ULK4: variants seen among roughly 807,000 people sequenced by gnomAD.
The protein encoded by ULK4 is unc-51 like kinase 4.
Under a neutral mutation model 160.6 loss-of-function variants are expected in ULK4, and 133 were observed. The observed-to-expected ratio is 0.83, with a 90% CI of 0.72 to 0.96. The LOEUF is 0.96. Among genes scored for constraint, ULK4 ranks in the 40% least tolerant of loss-of-function variants. The pLI is 0.00. For synonymous variants in ULK4, 534 were observed against 539.8 expected (o/e 0.99, Z 0.15); for missense variants, 1,580 against 1,499.5 (o/e 1.05, Z -0.89).
At chr3:41,468,372 A>C (rs1363575289) in intron 32 of ULK4, among the ~76,000 whole-genome samples, 1 of 152,210 alleles carries the variant, frequency 6.6e-6, no homozygotes, top group Non-Finnish European at 1.5e-5. Flanking sequence ...TTACAGAGGA[A>C]ATGGAGGCAA....
chr3:41,398,059 C>G lies in ULK4; in HGVS notation c.3678+20G>C. On this transcript the variant is annotated intron_variant, in intron 35 of 36. Transcript: ENST00000301831. ...CCAGCAAAGCCACCCACAGTGTCCC[C>G]GGTTTCTGTGTGAACTCACCATTCT... The G allele has an allele frequency of 6.2e-7, 1 of 1,602,814 alleles. No individual in the cohort carries two copies. Among genetic ancestry groups the G allele is most frequent in the East Asian group, 2.2e-5 (1 of 44,566 alleles).
At chr3:41,770,316 T>A (rs1575676085) in intron 21 of ULK4, among the ~76,000 whole-genome samples, 1 of 152,138 alleles carries the variant, frequency 6.6e-6, no homozygotes, top group African/African-American at 2.4e-5. Context: ...TGTTACAGGT[T>A]TGTGTCAAAA....
intron 34 of ULK4, among the ~76,000 whole-genome samples, chr3:41,412,553 A>AT (rs57224854): frequency 0.015 from 1,555 of 100,376 alleles, 31 homozygotes; most frequent in Non-Finnish European, 0.019. Context: ...ATGCAGTTGA[A>AT]TTTTTTTTTT....
At chr3:41,775,787 C>T (rs572428342) in intron 21 of ULK4, among the ~76,000 whole-genome samples, 1 of 150,940 alleles carries the variant, frequency 6.6e-6, no homozygotes, top group Admixed American at 6.6e-5. Context: ...TATCCTTCTG[C>T]AGCTTGCCTT....
At chr3:41,842,026 G>A (rs1383834210) in intron 17 of ULK4, among the ~76,000 whole-genome samples, 1 of 151,806 alleles carries the variant, frequency 6.6e-6, no homozygotes, top group Non-Finnish European at 1.5e-5. Context: ...CCTCTGCCTA[G>A]GAAAACCAGA....
intron 27 of ULK4, among the ~76,000 whole-genome samples, chr3:41,696,715 T>TA (rs2036516193): frequency 6.7e-6 from 1 of 150,096 alleles, no homozygotes; most frequent in Non-Finnish European, 1.5e-5. Flanking sequence ...GTTATTTACA[T>TA]AGCAAAAGGG....
In ULK4 at chr3:41,939,247, G is replaced by A. The variant is rs1699877931; in HGVS notation, c.139-1050C>T. 1.3e-5 allele frequency among the ~76,000 whole-genome samples: 2 copies of A among 150,576 alleles called. 1 individual carries two copies. Among genetic ancestry groups the A allele is most frequent in the African/African-American group, 4.9e-5 (2 of 40,904 alleles). ...GCAATCTCGGCTCACTGCACCCTCTGCCTCCCAGGTTCAAGCAATTCCCTG... is the reference window on the plus strand; with the variant it reads ...GCAATCTCGGCTCACTGCACCCTCTACCTCCCAGGTTCAAGCAATTCCCTG... On this transcript the variant is annotated intron_variant, in intron 2 of 36. Transcript: ENST00000301831.
intron 31 of ULK4, among the ~76,000 whole-genome samples, chr3:41,599,339 C>T (rs1211807177): frequency 1.3e-5 from 2 of 152,092 alleles, no homozygotes; most frequent in African/African-American, 4.8e-5. Flanking sequence ...TAAGATGAGG[C>T]TAATCTAATG....
At chr3:41,591,963 C>T (rs2031341832) in intron 31 of ULK4, among the ~76,000 whole-genome samples, 1 of 152,206 alleles carries the variant, frequency 6.6e-6, no homozygotes, top group African/African-American at 2.4e-5. Flanking sequence ...GCAGGATAGA[C>T]TGCAGCTCCC....
rs530116273 is a variant in ULK4 at position 41,617,481 on chromosome 3, G to A, written c.3072-1764C>T. On this transcript the variant is annotated intron_variant, in intron 30 of 36. Coordinates refer to ENST00000301831, the MANE Select transcript of ULK4 (RefSeq NM_017886.4). ...CACTGGTGATACTCAGGCAAACAGG[G>A]TCTGGAATGGACCTCCAGCAAACTG... Among the ~76,000 whole-genome samples the A allele has an allele frequency of 7.2e-5, 11 of 151,802 alleles. No individual in the cohort carries two copies. In the South Asian group the frequency reaches 1.3e-3, roughly 17 times the overall value.
At chr3:41,472,578 A>G (rs1168660954) in intron 32 of ULK4, among the ~76,000 whole-genome samples, 1 of 151,986 alleles carries the variant, frequency 6.6e-6, no homozygotes, top group Non-Finnish European at 1.5e-5. Flanking sequence ...AAAAAGAAAA[A>G]AAAAAAAAAG....
In ULK4 at chr3:41,378,863, T is replaced by C. The variant is rs560919887; in HGVS notation, c.3678+19216A>G. The stretch of plus-strand genomic sequence containing the variant: ...AATGTGGCACATTTACACCATGGAA[T>C]ACTATGCAGCCATAAAAAAGAATGA... On this transcript the variant is annotated intron_variant, in intron 35 of 36. Coordinates refer to ENST00000301831, the MANE Select transcript of ULK4 (RefSeq NM_017886.4). Among the ~76,000 whole-genome samples the C allele has an allele frequency of 6.6e-5, 10 of 151,996 alleles. No individual in the cohort carries two copies. The South Asian group carries it at 2.1e-3, about 32-fold the overall frequency.
At chr3:41,530,304 G>T (rs577769351) in intron 32 of ULK4, among the ~76,000 whole-genome samples, 2 of 152,234 alleles carry the variant, frequency 1.3e-5, no homozygotes, top group East Asian at 3.9e-4. Flanking sequence ...ACTGCTATTA[G>T]AACACATTCA....
chr3:41,322,391 C>T (rs982588957), intron 35 of ULK4, among the ~76,000 whole-genome samples: 4 of 152,200 alleles, frequency 2.6e-5, no homozygotes, highest in Non-Finnish European at 4.4e-5. Context: ...GTCTCTCCCT[C>T]TGCCTTATGC....
intron 30 of ULK4, among the ~76,000 whole-genome samples, chr3:41,647,091 C>A (rs563239502): frequency 2.6e-4 from 39 of 152,252 alleles, no homozygotes; most frequent in South Asian, 4.2e-4. Flanking sequence ...GTTATACATT[C>A]GTCTAAATTT....
chr3:41,450,411 C>T (rs1049392320), intron 34 of ULK4, among the ~76,000 whole-genome samples: 29 of 152,142 alleles, frequency 1.9e-4, no homozygotes, highest in African/African-American at 6.8e-4. Flanking sequence ...GACTTAGAAT[C>T]ACTGTCTTAT....
intron 17 of ULK4, among the ~76,000 whole-genome samples, chr3:41,869,347 G>T (rs1482299326): frequency 6.6e-6 from 1 of 152,148 alleles, no homozygotes; most frequent in African/African-American, 2.4e-5. Context: ...AGCTAAGGCG[G>T]ATGAATCACC....
chr3:41,468,332 G>C (rs769676781), intron 32 of ULK4, among the ~76,000 whole-genome samples: 12 of 152,168 alleles, frequency 7.9e-5, no homozygotes, highest in South Asian at 2.1e-4. Context: ...AAGACTGAGG[G>C]TCGAGTAAGT....
At chr3:41,727,700 T>G (rs1026984567) in intron 22 of ULK4, among the ~76,000 whole-genome samples, 1 of 152,064 alleles carries the variant, frequency 6.6e-6, no homozygotes, top group Non-Finnish European at 1.5e-5. Context: ...TGAACTTTAC[T>G]CTCAAGGAGA....
Sources: gnomAD v4.1 joint callset for allele counts (sites outside exome capture counted in the v4.1 genomes callset) on GRCh38, gnomAD v4.1.1 for gene constraint, MANE v1.5 for transcripts, NCBI Gene and HGNC (gene_info 2026-07-23, HGNC 2026-07-21) for gene names.